The following DLC1 variants were observed in gnomAD, a reference collection of about 807,000 sequenced individuals.
The protein encoded by DLC1 is DLC1 Rho GTPase activating protein.
DLC1 carries 54 observed loss-of-function variants against 140.3 expected under a neutral mutation model. That is an observed-to-expected ratio of 0.38 (90% confidence interval 0.31 to 0.48). DLC1 has a LOEUF of 0.48. Among genes scored for constraint, DLC1 ranks in the 20% least tolerant of loss-of-function variants. The probability of loss-of-function intolerance (pLI) is 0.96; values close to 1 mark genes in which losing one functional copy is unlikely to be tolerated. For missense variants in DLC1, 2,536 were observed against 1,907.0 expected (o/e 1.33, Z -6.14); for synonymous variants, 986 against 728.1 (o/e 1.35, Z -5.70).
intron 5 of DLC1, among the ~76,000 whole-genome samples, chr8:13,171,774 G>T (rs780882488): frequency 6.6e-6 from 1 of 152,176 alleles, no homozygotes; most frequent in Non-Finnish European, 1.5e-5. Flanking sequence ...TCAAGGCCTT[G>T]CGGAGGGTAT....
At chr8:13,451,341 C>T (rs143160193) in intron 2 of DLC1, among the ~76,000 whole-genome samples, 1 of 152,052 alleles carries the variant, frequency 6.6e-6, no homozygotes, top group African/African-American at 2.4e-5. Flanking sequence ...GGCGTCCATT[C>T]CCTCACGCAT....
At chr8:13,353,697 A>T (rs1216543644) in intron 4 of DLC1, among the ~76,000 whole-genome samples, 2 of 152,124 alleles carry the variant, frequency 1.3e-5, no homozygotes, top group African/African-American at 4.8e-5. Flanking sequence ...TCTCTAATTA[A>T]AATATAAAAG....
intron 5 of DLC1, among the ~76,000 whole-genome samples, chr8:13,201,733 A>G (rs890313815): frequency 9.2e-5 from 14 of 152,198 alleles, no homozygotes; most frequent in South Asian, 8.3e-4. Context: ...CTCATCTTTG[A>G]TAGTTTCTCT....
intron 5 of DLC1, among the ~76,000 whole-genome samples, chr8:13,229,807 A>G (rs1240132143): frequency 1.3e-5 from 2 of 152,326 alleles, no homozygotes; most frequent in Middle Eastern, 3.4e-3. Flanking sequence ...AAATCTAACA[A>G]TAAATTCTGA....
intron 5 of DLC1, among the ~76,000 whole-genome samples, chr8:13,200,145 C>T (rs753051103): frequency 2.0e-5 from 3 of 152,030 alleles, no homozygotes; most frequent in South Asian, 2.1e-4. Context: ...TGGGTTCAAG[C>T]GATTCTCCTG....
chr8:13,375,160 A>T (rs11994133), intron 4 of DLC1, among the ~76,000 whole-genome samples: 100,694 of 151,152 alleles, frequency 0.67, 34,015 homozygotes, highest in East Asian at 0.84. Flanking sequence ...CCTGAGTAGC[A>T]GGGACTACAG....
chr8:13,379,190 T>C (rs757116233), intron 4 of DLC1, among the ~76,000 whole-genome samples: 1 of 152,204 alleles, frequency 6.6e-6, no homozygotes, highest in Non-Finnish European at 1.5e-5. Flanking sequence ...GCCTGTTTCC[T>C]GTGTCCATGC....
intron 14 of DLC1, among the ~76,000 whole-genome samples, chr8:13,090,768 G>A (rs1244013173): frequency 1.3e-5 from 2 of 151,402 alleles, no homozygotes; most frequent in Admixed American, 1.3e-4. Context: ...GGATACAGCA[G>A]TTTAATTCCA....
intron 5 of DLC1, among the ~76,000 whole-genome samples, chr8:13,221,724 G>GTATATATATATATATATATA (rs1311540477): frequency 7.5e-6 from 1 of 132,970 alleles, no homozygotes; most frequent in African/African-American, 2.9e-5. Flanking sequence ...GTGTGTGTGT[G>GTATATATATATATATATATA]TGTATATATA....
Position 13,085,668 on chromosome 8 carries a change from T to A in DLC1, c.*143A>T. On this transcript the variant is annotated 3_prime_UTR_variant, in exon 18 of 18. Coordinates refer to ENST00000276297, the MANE Select transcript of DLC1 (RefSeq NM_182643.3). ...AACAGGAAGCAGCTTTAAAAATGTA[T>A]CAAATTGCTATAGTCAATTCCTACA... 1 of 1,290,876 alleles carries A rather than the reference T, an allele frequency of 7.7e-7. No homozygotes were observed. The highest frequency in any genetic ancestry group is 1.0e-6 in the Non-Finnish European group (1 of 956,096). The allele number at this position is 1,290,876 out of a possible 1,614,324, so 80.0% of individuals were successfully genotyped here. A position where few individuals can be genotyped will look rare whatever the true frequency, so the allele number is the denominator to read the frequency against.
At chr8:13,475,084 ATTACAGC>A (rs375024614) in intron 2 of DLC1, among the ~76,000 whole-genome samples, 62 of 151,896 alleles carry the variant, frequency 4.1e-4, no homozygotes, top group African/African-American at 1.5e-3. Flanking sequence ...AAGTGCCAGG[ATTACAGC>A]TGTGAGCCAC....
At chr8:13,594,200 T>C (rs1805613461) in intron 1 of DLC1, among the ~76,000 whole-genome samples, 1 of 152,100 alleles carries the variant, frequency 6.6e-6, no homozygotes, top group Non-Finnish European at 1.5e-5. Flanking sequence ...ATGATAGTGA[T>C]AAAACCTGAA....
rs1270510962 is a variant in DLC1, at chr8:13,105,592, C to CT, written c.1503-2740dup. On this transcript the variant is annotated intron_variant, in intron 7 of 17. Coordinates refer to ENST00000276297, the MANE Select transcript of DLC1 (RefSeq NM_182643.3). ...ACTTCTAGGTTCCTTTCTTTTTCTT[C>CT]TTTTTTTTTTTTTTTGGAGACAGTC... Among the ~76,000 whole-genome samples, 645 of 140,968 alleles carry CT rather than the reference C, an allele frequency of 4.6e-3. 1 individual carries two copies. The highest frequency in any genetic ancestry group is 9.1e-3 in the South Asian group (40 of 4,374). 92.5% of individuals were successfully genotyped at this position (140,968 alleles called of 152,430 possible).
At chr8:13,574,881 C>T (rs1804782398) in intron 1 of DLC1, among the ~76,000 whole-genome samples, 2 of 152,104 alleles carry the variant, frequency 1.3e-5, no homozygotes, top group South Asian at 4.1e-4. Context: ...TAGTTTATTT[C>T]ATGATGAAGC....
intron 2 of DLC1, among the ~76,000 whole-genome samples, chr8:13,451,384 C>G (rs1321966777): frequency 6.6e-6 from 1 of 152,102 alleles, no homozygotes; most frequent in Non-Finnish European, 1.5e-5. Context: ...TCCAATTACA[C>G]TCTTTTAGTT....
rs541986440 is a variant in DLC1 at position 13,398,387 on chromosome 8, TG to T, written c.1173+3082del. On this transcript the variant is annotated intron_variant, in intron 3 of 17. Coordinates refer to ENST00000276297, the MANE Select transcript of DLC1 (RefSeq NM_182643.3). ...GTGGTGGAGAAAATACAGAATGTTG[TG>T]GTGAGAGACTGCACTGGCACTGCTG... Among the ~76,000 whole-genome samples the T allele has an allele frequency of 4.0e-4, 61 of 152,162 alleles. 2 individuals carry two copies. In the South Asian group the frequency reaches 0.012, roughly 30 times the overall value.
At chr8:13,347,855 C>T (rs1220383640) in intron 4 of DLC1, among the ~76,000 whole-genome samples, 1 of 152,080 alleles carries the variant, frequency 6.6e-6, no homozygotes, top group African/African-American at 2.4e-5. Context: ...TTTGTGAGTC[C>T]AAGGCAGGTG....
chr8:13,085,663 A>C lies in DLC1; in HGVS notation c.*148T>G. On this transcript the variant is annotated 3_prime_UTR_variant, in exon 18 of 18. Transcript: ENST00000276297. ...CAACAAACAGGAAGCAGCTTTAAAAATGTATCAAATTGCTATAGTCAATTC... is the reference window on the plus strand; with the variant it reads ...CAACAAACAGGAAGCAGCTTTAAAACTGTATCAAATTGCTATAGTCAATTC... 8.0e-7 allele frequency: 1 copy of C among 1,257,340 alleles called. No individual in the cohort carries two copies. Among genetic ancestry groups the C allele is most frequent in the South Asian group, 1.7e-5 (1 of 59,744 alleles). The allele number at this position is 1,257,340 out of a possible 1,614,324, so 77.9% of individuals were successfully genotyped here.
At chr8:13,319,476 G>T (rs1616164) in intron 4 of DLC1, among the ~76,000 whole-genome samples, 1 of 126,486 alleles carries the variant, frequency 7.9e-6, no homozygotes, top group African/African-American at 3.0e-5. Flanking sequence ...TGGCGGGGCG[G>T]GGGGGGGGGG....
Sources: gnomAD v4.1 joint callset for allele counts (sites outside exome capture counted in the v4.1 genomes callset) on GRCh38, gnomAD v4.1.1 for gene constraint, MANE v1.5 for transcripts, NCBI Gene and HGNC (gene_info 2026-07-23, HGNC 2026-07-21) for gene names.